Variants in TYW5 observed in about 807,000 individuals in gnomAD.
The protein encoded by TYW5 is tRNA-yW synthesizing protein 5.
In TYW5, 36 loss-of-function variants were observed where a neutral mutation model predicts 44.4. That is an observed-to-expected ratio of 0.81 (90% confidence interval 0.62 to 1.07). The LOEUF (loss-of-function observed/expected upper bound fraction) is 1.07. Among genes scored for constraint, TYW5 ranks in the 50% least tolerant of loss-of-function variants. The probability of loss-of-function intolerance (pLI) is 0.00; values close to 1 mark genes in which losing one functional copy is unlikely to be tolerated. For synonymous variants in TYW5, 121 were observed against 128.1 expected (o/e 0.94, Z 0.37); for missense variants, 354 against 365.7 (o/e 0.97, Z 0.26).
intron 1 of TYW5, among the ~76,000 whole-genome samples, chr2:199,954,964 A>G (rs2077582794): frequency 6.6e-6 from 1 of 152,196 alleles, no homozygotes; most frequent in Non-Finnish European, 1.5e-5. Flanking sequence ...ACAGGTATAA[A>G]AGACTCCAAT....
intron 4 of TYW5, 115 bp downstream of exon 4, chr2:199,939,974 A>G: frequency 1.0e-6 from 1 of 991,454 alleles, no homozygotes. Flanking sequence ...AGAAGAATGG[A>G]AAAGGATAGA....
Position 199,929,036 on chromosome 2 carries a change from TAGAC to T in TYW5, c.*4027_*4030del, listed in dbSNP as rs2077349827. ...TAAGAGAAAAACATAAGAGGAGATA[TAGAC>T]AGACCTCATCTGTAAACTCATGTTG... On this transcript the variant is annotated 3_prime_UTR_variant, in exon 8 of 8. Coordinates refer to ENST00000354611, the MANE Select transcript of TYW5 (RefSeq NM_001039693.3). 6.6e-6 allele frequency among the ~76,000 whole-genome samples: 1 copy of T among 152,192 alleles called. No homozygotes were observed.
chr2:199,934,463 GAAGACT>G (rs1382697302), intron 7 of TYW5, among the ~76,000 whole-genome samples: 4 of 151,782 alleles, frequency 2.6e-5, no homozygotes, highest in Non-Finnish European at 2.9e-5. Flanking sequence ...CAATAGATTT[GAAGACT>G]AATACGTTCG....
intron 7 of TYW5, among the ~76,000 whole-genome samples, chr2:199,935,431 C>T (rs1201470902): frequency 2.0e-5 from 3 of 151,890 alleles, no homozygotes; most frequent in Non-Finnish European, 4.4e-5. Context: ...CAACCTCAAC[C>T]TCGTGGGCCC....
At position 199,953,976 on chromosome 2, in the gene TYW5, G is replaced by T. The variant is rs140147899; in HGVS notation, c.78+1417C>A. 8.1e-3 allele frequency among the ~76,000 whole-genome samples: 1,235 copies of T among 152,048 alleles called. 16 individuals are homozygous for T. Among genetic ancestry groups the T allele is most frequent in the African/African-American group, 0.028 (1,147 of 41,466 alleles). On this transcript the variant is annotated intron_variant, in intron 1 of 7. Transcript: ENST00000354611. Reference sequence around the variant, plus strand: ...ACGTCTAGCACATTCTGAGATAGGGGGTGTCTAAGGACAGGGAGAGCAAGA... The same window carrying T: ...ACGTCTAGCACATTCTGAGATAGGGTGTGTCTAAGGACAGGGAGAGCAAGA...
intron 5 of TYW5, among the ~76,000 whole-genome samples, chr2:199,936,928 G>T (rs983079062): frequency 6.6e-6 from 1 of 151,900 alleles, no homozygotes; most frequent in Non-Finnish European, 1.5e-5. Context: ...CTTAATATAT[G>T]TTCAACCATA....
chr2:199,946,012 G>C (rs1477600155), intron 2 of TYW5: 1 of 152,208 alleles, frequency 6.6e-6, no homozygotes, highest in Non-Finnish European at 1.5e-5. Flanking sequence ...GTCAAAGAAG[G>C]CTTAATCATG....
intron 1 of TYW5, among the ~76,000 whole-genome samples, chr2:199,953,016 A>G (rs1276563343): frequency 6.6e-6 from 1 of 152,200 alleles, no homozygotes; most frequent in Non-Finnish European, 1.5e-5. Flanking sequence ...TAAACTATGA[A>G]TTTTGGGTGA....
chr2:199,950,640 CTG>C (rs1053849861), intron 1 of TYW5, among the ~76,000 whole-genome samples: 4 of 151,802 alleles, frequency 2.6e-5, no homozygotes, highest in East Asian at 1.9e-4. Context: ...GCATGTGGGT[CTG>C]TGTGTGTGTA....
chr2:199,931,320 TAAG>T lies in TYW5; in HGVS notation c.*1744_*1746del, dbSNP rs2077376040. ...TTTGCTTCTCCATTAAACAATCAAT[TAAG>T]ATGACTATTCAGTGCACAAACTGTA... On this transcript the variant is annotated 3_prime_UTR_variant, in exon 8 of 8. Transcript: ENST00000354611. 2 of 152,154 alleles carry T rather than the reference TAAG, an allele frequency of 1.3e-5. No individual in the cohort carries two copies. The highest frequency in any genetic ancestry group is 4.1e-4 in the South Asian group (2 of 4,826). 9.4% of individuals were successfully genotyped at this position (152,154 alleles called of 1,614,324 possible).
intron 2 of TYW5, 158 bp downstream of exon 2, chr2:199,948,160 T>G: frequency 1.5e-6 from 1 of 682,354 alleles, no homozygotes; most frequent in Non-Finnish European, 2.4e-6. Flanking sequence ...TCTTGTCTTT[T>G]AAAAACCACT....
chr2:199,940,333 C>G (rs542387279), intron 3 of TYW5, among the ~76,000 whole-genome samples, 200 bp from the exon 4 acceptor site: 1 of 152,284 alleles, frequency 6.6e-6, no homozygotes, highest in African/African-American at 2.4e-5. Context: ...GTCTTAAAAT[C>G]TGACCCAGTT....
chr2:199,945,875 A>G (rs2077500338), intron 2 of TYW5: 1 of 152,184 alleles, frequency 6.6e-6, no homozygotes. Context: ...TGGGGGAGAA[A>G]TTAGGTATGT....
intron 1 of TYW5, among the ~76,000 whole-genome samples, chr2:199,953,323 C>CA (rs1043574455): frequency 2.6e-4 from 38 of 148,978 alleles, no homozygotes; most frequent in East Asian, 1.8e-3. Context: ...AACTCCATTT[C>CA]AAAAAAAAAG....
chr2:199,943,145 T>C (rs2077478167), intron 3 of TYW5: 1 of 152,250 alleles, frequency 6.6e-6, no homozygotes, highest in South Asian at 2.1e-4. Context: ...CGTGAGCCAT[T>C]GCGCTCGACC....
intron 2 of TYW5, chr2:199,944,613 A>G (rs1361631733): frequency 6.6e-6 from 1 of 152,162 alleles, no homozygotes; most frequent in East Asian, 1.9e-4. Flanking sequence ...TGATGGTGAT[A>G]CTGTATAAGT....
intron 3 of TYW5, among the ~76,000 whole-genome samples, chr2:199,940,922 T>A (rs1382973169): frequency 6.6e-6 from 1 of 152,214 alleles, no homozygotes; most frequent in Admixed American, 6.5e-5. Context: ...AACACTGCAT[T>A]TTATCAAGCT....
chr2:199,936,772 G>T (rs1031351433), intron 5 of TYW5, among the ~76,000 whole-genome samples: 2 of 152,166 alleles, frequency 1.3e-5, no homozygotes, highest in South Asian at 2.1e-4. Context: ...TGACAGCATA[G>T]TTAAGCCTAT....
At chr2:199,933,371 A>G (rs2077395522) in intron 7 of TYW5, 48 bp from the exon 8 acceptor site, 1 of 1,506,380 alleles carries the variant, frequency 6.6e-7, no homozygotes, top group African/African-American at 1.4e-5. Flanking sequence ...TACAGTTAAA[A>G]AAAAACCCAA....
Sources: gnomAD v4.1 joint callset for allele counts (sites outside exome capture counted in the v4.1 genomes callset) on GRCh38, gnomAD v4.1.1 for gene constraint, MANE v1.5 for transcripts, NCBI Gene and HGNC (gene_info 2026-07-23, HGNC 2026-07-21) for gene names.